CREB5: variants seen among roughly 807,000 people sequenced by gnomAD.
CREB5 encodes the protein cAMP responsive element binding protein 5.
A neutral mutation model predicts 57.1 loss-of-function variants in CREB5; 19 were observed. That is an observed-to-expected ratio of 0.33 (90% CI 0.23 to 0.49). CREB5 has a LOEUF of 0.49. Ranked by LOEUF, CREB5 falls within the 20% of genes least tolerant of loss-of-function variation. CREB5 has a pLI of 0.99. For synonymous variants in CREB5, 238 were observed against 238.3 expected (o/e 1.00, Z 0.01); for missense variants, 579 against 671.6 (o/e 0.86, Z 1.52).
At chr7:28,461,137 C>T (rs1472555992) in intron 1 of CREB5, among the ~76,000 whole-genome samples, 1 of 150,772 alleles carries the variant, frequency 6.6e-6, no homozygotes, top group South Asian at 2.1e-4. Context: ...GCAGGAGTAC[C>T]GTTTGGGTCC....
At position 28,775,543 on chromosome 7, in the gene CREB5, C is replaced by CATATATATATAT. The variant is rs56224961; in HGVS notation, c.703-28645_703-28634dup. Among the ~76,000 whole-genome samples, 169 of 120,672 alleles carry CATATATATATAT rather than the reference C, an allele frequency of 1.4e-3. 4 individuals are homozygous for CATATATATATAT. The highest frequency in any genetic ancestry group is 3.4e-3 in the African/African-American group (104 of 30,716). 79.2% of individuals were successfully genotyped at this position (120,672 alleles called of 152,430 possible). On this transcript the variant is annotated intron_variant, in intron 7 of 10. Transcript: ENST00000357727. ...ATGCCATATTTATGTATTCCTTAGC[C>CATATATATATAT]ATATATATATATATATATATATTAG... is the stretch of plus-strand genomic sequence containing the variant.
intron 1 of CREB5, among the ~76,000 whole-genome samples, chr7:28,347,576 T>G (rs1786086851): frequency 6.6e-6 from 1 of 152,228 alleles, no homozygotes; most frequent in African/African-American, 2.4e-5. Flanking sequence ...TTCTAATTCT[T>G]AGAGTGTCAT....
At chr7:28,735,629 G>A (rs1396099112) in intron 7 of CREB5, among the ~76,000 whole-genome samples, 4 of 152,132 alleles carry the variant, frequency 2.6e-5, no homozygotes, top group Non-Finnish European at 4.4e-5. Context: ...CTGTTAACCA[G>A]GTTGTAACCT....
chr7:28,683,841 G>A (rs1459379304), intron 5 of CREB5, among the ~76,000 whole-genome samples: 3 of 152,002 alleles, frequency 2.0e-5, no homozygotes, highest in African/African-American at 4.8e-5. Flanking sequence ...GATTCACCCC[G>A]GCCCTCTAAT....
At chr7:28,358,601 CATCCCAGCTGTCG>C (rs1234647590) in intron 1 of CREB5, among the ~76,000 whole-genome samples, 3 of 152,206 alleles carry the variant, frequency 2.0e-5, no homozygotes, top group Admixed American at 6.5e-5. Context: ...AAGTCACGAA[CATCCCAGCTGTCG>C]AAGTCTTTCT....
chr7:28,714,477 C>G (rs943666289), intron 5 of CREB5, among the ~76,000 whole-genome samples: 1 of 152,156 alleles, frequency 6.6e-6, no homozygotes. Context: ...GAGACCCCTT[C>G]GCACCTTCCA....
chr7:28,510,415 T>C (rs867965527), intron 4 of CREB5, among the ~76,000 whole-genome samples: 6 of 152,228 alleles, frequency 3.9e-5, no homozygotes, highest in African/African-American at 1.4e-4. Flanking sequence ...TTTAGTAAAG[T>C]GGAAGATGGA....
intron 4 of CREB5, among the ~76,000 whole-genome samples, chr7:28,537,351 AG>A (rs1254033690): frequency 1.3e-5 from 2 of 149,582 alleles, no homozygotes; most frequent in African/African-American, 4.9e-5. Context: ...AAAACACAAA[AG>A]AATTTCCTAC....
At chr7:28,759,836 A>G (rs1362274656) in intron 7 of CREB5, among the ~76,000 whole-genome samples, 4 of 152,236 alleles carry the variant, frequency 2.6e-5, no homozygotes, top group Non-Finnish European at 5.9e-5. Flanking sequence ...AATGTGTGAC[A>G]TGCTCAGGTT....
chr7:28,536,889 G>C (rs1363406196), intron 4 of CREB5, among the ~76,000 whole-genome samples: 1 of 152,220 alleles, frequency 6.6e-6, no homozygotes, highest in Non-Finnish European at 1.5e-5. Context: ...CATTCTACCA[G>C]TAAGTGGAGA....
chr7:28,444,684 T>A (rs903814259), intron 1 of CREB5, among the ~76,000 whole-genome samples: 36 of 152,176 alleles, frequency 2.4e-4, no homozygotes, highest in African/African-American at 8.7e-4. Context: ...ACAGTGAGAA[T>A]TTCTCTCCTG....
chr7:28,399,007 C>T (rs1787392620), intron 1 of CREB5, among the ~76,000 whole-genome samples: 1 of 152,152 alleles, frequency 6.6e-6, no homozygotes, highest in Non-Finnish European at 1.5e-5. Flanking sequence ...TGAGCCACCG[C>T]ACCTGGTCTA....
chr7:28,473,809 G>A (rs73075898), intron 1 of CREB5, among the ~76,000 whole-genome samples: 5,442 of 152,310 alleles, frequency 0.036, 145 homozygotes, highest in Middle Eastern at 0.058. Context: ...TTGGCCAGAT[G>A]TTCTTGGGAG....
intron 5 of CREB5, among the ~76,000 whole-genome samples, chr7:28,588,318 A>G (rs1220063016): frequency 2.6e-5 from 4 of 152,226 alleles, no homozygotes; most frequent in African/African-American, 9.6e-5. Context: ...ATCAGATCCC[A>G]TGTATTATAG....
intron 4 of CREB5, among the ~76,000 whole-genome samples, chr7:28,509,404 C>A (rs1476071705): frequency 1.3e-5 from 2 of 152,188 alleles, no homozygotes; most frequent in Non-Finnish European, 2.9e-5. Context: ...CCCTGAGGAA[C>A]TGAAATATTT....
intron 5 of CREB5, among the ~76,000 whole-genome samples, chr7:28,700,250 A>G (rs1801779107): frequency 2.6e-5 from 4 of 152,156 alleles, no homozygotes; most frequent in African/African-American, 9.7e-5. Flanking sequence ...ACACACATGC[A>G]TGCATGTTCC....
At chr7:28,478,715 T>C (rs1423039140) in intron 1 of CREB5, among the ~76,000 whole-genome samples, 2 of 152,190 alleles carry the variant, frequency 1.3e-5, no homozygotes, top group East Asian at 3.9e-4. Flanking sequence ...AACTCTTTCT[T>C]TTGCTACTGT....
At chr7:28,526,075 T>G (rs909650167) in intron 4 of CREB5, among the ~76,000 whole-genome samples, 2 of 152,162 alleles carry the variant, frequency 1.3e-5, no homozygotes, top group African/African-American at 2.4e-5. Context: ...GTTCCCTGGA[T>G]TTTAGGTGGT....
At chr7:28,773,768 A>C (rs1451221423) in intron 7 of CREB5, among the ~76,000 whole-genome samples, 1 of 152,214 alleles carries the variant, frequency 6.6e-6, no homozygotes, top group Non-Finnish European at 1.5e-5. Context: ...ACCAGCCCCT[A>C]ATATGGCTCC....
Sources: allele counts gnomAD v4.1 joint callset (sites outside exome capture counted in the v4.1 genomes callset), GRCh38; gene constraint gnomAD v4.1.1; transcripts MANE v1.5; gene names NCBI Gene and HGNC (gene_info 2026-07-23, HGNC 2026-07-21).